Variants in GGCT observed in about 807,000 individuals in gnomAD.
GGCT encodes the protein cytochrome c-releasing factor 21.
A neutral mutation model predicts 22.1 loss-of-function variants in GGCT; 20 were observed. The ratio of observed to expected loss-of-function variants is 0.91; its 90% confidence interval spans 0.64 to 1.32. GGCT has a LOEUF of 1.32. Among genes scored for constraint, GGCT ranks in the 40% most tolerant of loss-of-function variants. GGCT has a pLI of 0.00. For synonymous variants in GGCT, 72 were observed against 78.4 expected (o/e 0.92, Z 0.43); for missense variants, 209 against 223.5 (o/e 0.94, Z 0.41).
intron 3 of GGCT, chr7:30,497,552 T>C: frequency 2.5e-6 from 1 of 395,288 alleles, no homozygotes. Flanking sequence ...AAAATACCAT[T>C]CTTCAAAAAA....
chr7:30,497,257 AG>A (rs2128123198), intron 3 of GGCT, 22 bp from the exon 4 acceptor site: 1 of 1,575,300 alleles, frequency 6.3e-7, no homozygotes, highest in East Asian at 2.3e-5. Flanking sequence ...TAAAACAAAC[AG>A]ACAAAAAAAC....
chr7:30,497,851 G>A, intron 3 of GGCT: 1 of 1,447,674 alleles, frequency 6.9e-7, no homozygotes, highest in Non-Finnish European at 9.2e-7. Context: ...GCTTGCAAGG[G>A]TGATTTCCCT....
chr7:30,497,912 A>T, intron 3 of GGCT: 1 of 1,358,500 alleles, frequency 7.4e-7, no homozygotes, highest in South Asian at 1.8e-5. Flanking sequence ...GATGAAAAAC[A>T]TTTCAGCAGT....
At chr7:30,498,340 ATAAC>A (rs1389878517) in intron 3 of GGCT, among the ~76,000 whole-genome samples, 1 of 152,012 alleles carries the variant, frequency 6.6e-6, no homozygotes, top group East Asian at 1.9e-4. Context: ...CATTAGGTAA[ATAAC>A]TATCATTTTT....
intron 3 of GGCT, chr7:30,497,902 G>A (rs1313348360): frequency 7.2e-7 from 1 of 1,384,198 alleles, no homozygotes; most frequent in East Asian, 2.7e-5. Context: ...TCCACCTAGG[G>A]ATGAAAAACA....
chr7:30,497,753 C>T (rs1438781810), intron 3 of GGCT: 7 of 1,434,616 alleles, frequency 4.9e-6, no homozygotes, highest in Non-Finnish European at 5.6e-6. Context: ...ATTACAGGTG[C>T]CATGACCTGA....
At chr7:30,504,481 C>G (rs980371316) in intron 1 of GGCT, 88 bp downstream of exon 1, 7 of 1,484,166 alleles carry the variant, frequency 4.7e-6, no homozygotes, top group Non-Finnish European at 6.5e-6. Context: ...GAACTGCATT[C>G]CTGGCCCGAT....
In GGCT at chr7:30,497,059, C is replaced by T. The variant is rs1430786152; in HGVS notation, c.*33G>A. 7.2e-7 allele frequency: 1 copy of T among 1,398,232 alleles called. No homozygotes were observed. 86.6% of individuals were successfully genotyped at this position (1,398,232 alleles called of 1,614,324 possible). On this transcript the variant is annotated 3_prime_UTR_variant, in exon 4 of 4. Coordinates refer to ENST00000275428, the MANE Select transcript of GGCT (RefSeq NM_024051.4). ...GTGTTAAAAATATTTTATATTAGCACATAGAATACCCTTAGATATATTCTG... is the reference window on the plus strand; with the variant it reads ...GTGTTAAAAATATTTTATATTAGCATATAGAATACCCTTAGATATATTCTG...
intron 1 of GGCT, 24 bp downstream of exon 1, chr7:30,504,545 G>T: frequency 6.2e-7 from 1 of 1,612,352 alleles, no homozygotes; most frequent in Non-Finnish European, 8.5e-7. Context: ...CCCCGGCGTG[G>T]GTAGCGCGGG....
At chr7:30,501,303 A>G (rs1032075592) in intron 1 of GGCT, among the ~76,000 whole-genome samples, 1 of 152,230 alleles carries the variant, frequency 6.6e-6, no homozygotes, top group Admixed American at 6.5e-5. Flanking sequence ...TGGATAAAAG[A>G]GTGTGTTTTG....
rs142594912 is a variant in GGCT at position 30,496,917 on chromosome 7, T to C, written c.*175A>G. The stretch of plus-strand genomic sequence containing the variant: ...ATACACCCCTTTTAAATTGTCTAAC[T>C]CCTATCCCAGTTTCTTTTTATAGTC... On this transcript the variant is annotated 3_prime_UTR_variant, in exon 4 of 4. Coordinates refer to ENST00000275428, the MANE Select transcript of GGCT (RefSeq NM_024051.4). 1,118 of 454,128 alleles carry C rather than the reference T, an allele frequency of 2.5e-3. 9 individuals are homozygous for C. The highest frequency in any genetic ancestry group is 0.019 in the African/African-American group (927 of 49,168). 28.1% of individuals were successfully genotyped at this position (454,128 alleles called of 1,614,324 possible). A position where few individuals can be genotyped will look rare whatever the true frequency, so the allele number is the denominator to read the frequency against.
chr7:30,497,556 C>CA (rs940321266), intron 3 of GGCT: 11 of 393,458 alleles, frequency 2.8e-5, no homozygotes, highest in East Asian at 2.2e-4. Flanking sequence ...TACCATTCTT[C>CA]AAAAAAAATT....
At chr7:30,504,527 C>A (rs1175156179) in intron 1 of GGCT, 42 bp downstream of exon 1, 1 of 1,609,394 alleles carries the variant, frequency 6.2e-7, no homozygotes, top group South Asian at 1.1e-5. Flanking sequence ...GCCTTCTGGG[C>A]ATCCCGGCCC....
At chr7:30,497,874 C>G in intron 3 of GGCT, 1 of 1,447,678 alleles carries the variant, frequency 6.9e-7, no homozygotes. Context: ...TTCTGAAAGG[C>G]AGTGTGACGT....
At chr7:30,497,303 C>T in intron 3 of GGCT, 68 bp from the exon 4 acceptor site, 5 of 1,144,948 alleles carry the variant, frequency 4.4e-6, no homozygotes, top group Non-Finnish European at 6.2e-6. Flanking sequence ...ACGTACCATA[C>T]CACAGCTTTA....
chr7:30,504,771 A>G lies in GGCT; in HGVS notation c.-62T>C. ...GTGTAAGGAACGGCCAGAGAGCGCA[A>G]CACTGGGGCCCACTACCCCGGCGCA... On this transcript the variant is annotated 5_prime_UTR_variant, in exon 1 of 4. Transcript: ENST00000275428. 6.5e-7 allele frequency: 1 copy of G among 1,547,836 alleles called. No individual in the cohort carries two copies. The highest frequency in any genetic ancestry group is 8.9e-7 in the Non-Finnish European group (1 of 1,123,092).
intron 3 of GGCT, among the ~76,000 whole-genome samples, chr7:30,498,440 T>C (rs1018464169): frequency 7.9e-5 from 12 of 152,184 alleles, no homozygotes; most frequent in African/African-American, 2.9e-4. Flanking sequence ...AGAAATTTTT[T>C]TGAGAGTGTC....
chr7:30,500,380 A>C (rs1789671537), intron 2 of GGCT, among the ~76,000 whole-genome samples, 156 bp downstream of exon 2: 1 of 152,230 alleles, frequency 6.6e-6, no homozygotes, highest in Admixed American at 6.5e-5. Flanking sequence ...CCTTTTAGCA[A>C]ACTCACATTA....
chr7:30,503,305 T>A (rs1789745183), intron 1 of GGCT, among the ~76,000 whole-genome samples: 1 of 152,186 alleles, frequency 6.6e-6, no homozygotes, highest in African/African-American at 2.4e-5. Flanking sequence ...GCATTTGGAC[T>A]CCCTTCCTAC....
Sources: allele counts gnomAD v4.1 joint callset (sites outside exome capture counted in the v4.1 genomes callset), GRCh38; gene constraint gnomAD v4.1.1; transcripts MANE v1.5; gene names NCBI Gene and HGNC (gene_info 2026-07-23, HGNC 2026-07-21).